Variants in CLASP2 observed in about 807,000 individuals in gnomAD.
The protein encoded by CLASP2 is cytoplasmic linker associated protein 2, also known as CLIP-associating protein 2.
Under a neutral mutation model 194.4 loss-of-function variants are expected in CLASP2, and 47 were observed. That is an observed-to-expected ratio of 0.24 (90% CI 0.19 to 0.31). The LOEUF (loss-of-function observed/expected upper bound fraction) is 0.31. CLASP2 is among the 10% of genes least tolerant of loss of function. The pLI is 1.00. For missense variants in CLASP2, 1,445 were observed against 1,823.6 expected, an observed-to-expected ratio of 0.79 and a Z score of 3.78; for synonymous variants, 619 against 633.5, an observed-to-expected ratio of 0.98 and a Z score of 0.34.
intron 6 of CLASP2, among the ~76,000 whole-genome samples, chr3:33,668,468 T>A (rs529350125): frequency 6.6e-6 from 1 of 152,308 alleles, no homozygotes; most frequent in African/African-American, 2.4e-5. Flanking sequence ...AGAATACTTG[T>A]TTCAAATGAA....
Position 33,539,349 on chromosome 3 carries a change from T to G in CLASP2, c.3405-407A>C, listed in dbSNP as rs569307937. ...CCATAAATAAATTTTTTCTTTTTTT[T>G]TGGAGACGAAATCTCACTCTTCTCC... On this transcript the variant is annotated intron_variant, in intron 32 of 38. Coordinates refer to ENST00000682230, the MANE Select transcript of CLASP2 (RefSeq NM_001365631.1). 2.1e-3 allele frequency among the ~76,000 whole-genome samples: 313 copies of G among 152,304 alleles called. 3 individuals are homozygous for G. The highest frequency in any genetic ancestry group is 1.9e-3 in the Non-Finnish European group (126 of 68,018).
chr3:33,598,986 T>C (rs776381418), intron 18 of CLASP2, among the ~76,000 whole-genome samples: 1 of 152,194 alleles, frequency 6.6e-6, no homozygotes, highest in Non-Finnish European at 1.5e-5. Context: ...CAAAAACCAG[T>C]AGCAACTGCT....
At chr3:33,522,698 A>G (rs913284193) in intron 34 of CLASP2, among the ~76,000 whole-genome samples, 1 of 152,240 alleles carries the variant, frequency 6.6e-6, no homozygotes, top group African/African-American at 2.4e-5. Flanking sequence ...CAAAATGGAA[A>G]TATCAGTAAA....
intron 32 of CLASP2, among the ~76,000 whole-genome samples, chr3:33,539,865 T>C (rs901783791): frequency 6.6e-5 from 10 of 152,036 alleles, no homozygotes; most frequent in African/African-American, 2.2e-4. Context: ...AAGAGATAAA[T>C]GTATTTTAAC....
intron 29 of CLASP2, among the ~76,000 whole-genome samples, chr3:33,551,774 A>C (rs1233741475): frequency 6.6e-6 from 1 of 152,200 alleles, no homozygotes; most frequent in Non-Finnish European, 1.5e-5. Flanking sequence ...ACAAGATTAT[A>C]AACATTTCCT....
chr3:33,688,216 T>G (rs1463432925), intron 4 of CLASP2, 61 bp downstream of exon 4: 1 of 1,301,776 alleles, frequency 7.7e-7, no homozygotes, highest in Non-Finnish European at 1.0e-6. Context: ...CTTTGTGAAC[T>G]GAGGTTTTTT....
intron 16 of CLASP2, among the ~76,000 whole-genome samples, chr3:33,605,977 G>A (rs540412491): frequency 3.9e-5 from 6 of 152,242 alleles, no homozygotes; most frequent in African/African-American, 1.2e-4. Flanking sequence ...CAGGGCAAGA[G>A]GTCACGAAGA....
At chr3:33,699,726 TATA>T (rs2092233520) in intron 1 of CLASP2, among the ~76,000 whole-genome samples, 1 of 151,960 alleles carries the variant, frequency 6.6e-6, no homozygotes, top group African/African-American at 2.4e-5. Flanking sequence ...AATAATAAAG[TATA>T]ATAACCATAA....
chr3:33,636,558 T>C lies in CLASP2; in HGVS notation c.863-4187A>G, dbSNP rs201766027. On this transcript the variant is annotated intron_variant, in intron 8 of 38. Coordinates refer to ENST00000682230, the MANE Select transcript of CLASP2 (RefSeq NM_001365631.1). The stretch of plus-strand genomic sequence containing the variant: ...GAATATAAAAAATTCTGAATATATA[T>C]AGAAGATATGAAAAGACAGCTGGCT... Among the ~76,000 whole-genome samples the C allele has an allele frequency of 3.2e-4, 49 of 152,202 alleles. No individual in the cohort carries two copies. The East Asian group carries it at 7.9e-3, about 25-fold the overall frequency.
chr3:33,631,657 A>G (rs893443170), intron 9 of CLASP2, among the ~76,000 whole-genome samples: 1 of 151,536 alleles, frequency 6.6e-6, no homozygotes, highest in Admixed American at 6.6e-5. Context: ...AGACTGTGCC[A>G]CTGCACTCCA....
chr3:33,570,150 T>C (rs972876191), intron 26 of CLASP2, among the ~76,000 whole-genome samples: 3 of 144,658 alleles, frequency 2.1e-5, no homozygotes, highest in Non-Finnish European at 4.5e-5. Flanking sequence ...ACAGTACACA[T>C]GCACATTACA....
At chr3:33,671,973 A>C (rs1464507158) in intron 6 of CLASP2, among the ~76,000 whole-genome samples, 3 of 152,238 alleles carry the variant, frequency 2.0e-5, no homozygotes, top group Non-Finnish European at 2.9e-5. Context: ...CCACAGCTCA[A>C]GGAGGCCTGC....
intron 2 of CLASP2, among the ~76,000 whole-genome samples, chr3:33,696,335 AAAC>A (rs1199939109): frequency 6.6e-6 from 1 of 150,844 alleles, no homozygotes; most frequent in Non-Finnish European, 1.5e-5. Flanking sequence ...GATCCAGTAA[AAAC>A]AATTTTCTTT....
chr3:33,595,484 C>T (rs2070035188), intron 19 of CLASP2, among the ~76,000 whole-genome samples: 1 of 151,968 alleles, frequency 6.6e-6, no homozygotes, highest in African/African-American at 2.4e-5. Context: ...CCTATCAATC[C>T]AATTCATTAG....
chr3:33,505,606 T>C (rs1044926480), intron 37 of CLASP2, among the ~76,000 whole-genome samples: 2 of 152,208 alleles, frequency 1.3e-5, no homozygotes, highest in Non-Finnish European at 2.9e-5. Flanking sequence ...GAAGTGATTT[T>C]CAGTGGCTGC....
intron 2 of CLASP2, among the ~76,000 whole-genome samples, chr3:33,692,010 A>C (rs777730688): frequency 2.0e-5 from 3 of 152,076 alleles, no homozygotes; most frequent in Non-Finnish European, 4.4e-5. Context: ...TCTCCACTAA[A>C]ACTATAAAAA....
intron 9 of CLASP2, among the ~76,000 whole-genome samples, chr3:33,629,974 G>A (rs2154291328): frequency 1.3e-5 from 2 of 152,210 alleles, no homozygotes; most frequent in African/African-American, 4.8e-5. Flanking sequence ...GACGATCCTT[G>A]AAATCGTGCA....
intron 4 of CLASP2, among the ~76,000 whole-genome samples, chr3:33,687,764 T>C (rs2090870416): frequency 1.3e-5 from 2 of 152,192 alleles, no homozygotes; most frequent in Admixed American, 6.5e-5. Context: ...ACAAAAGTCC[T>C]AGCATTTTTT....
intron 8 of CLASP2, among the ~76,000 whole-genome samples, chr3:33,643,460 T>C (rs2081697558): frequency 6.6e-6 from 1 of 151,832 alleles, no homozygotes; most frequent in South Asian, 2.1e-4. Context: ...TATCTTCTAA[T>C]GGGATATCAT....
Sources: allele counts gnomAD v4.1 joint callset (sites outside exome capture counted in the v4.1 genomes callset), GRCh38; gene constraint gnomAD v4.1.1; transcripts MANE v1.5; gene names NCBI Gene and HGNC (gene_info 2026-07-23, HGNC 2026-07-21).